SLC24A3: variants seen among roughly 807,000 people sequenced by gnomAD.
SLC24A3 encodes the protein solute carrier family 24 member 3, also known as sodium/potassium/calcium exchanger 3.
Under a neutral mutation model 75.8 loss-of-function variants are expected in SLC24A3, and 28 were observed. The observed-to-expected ratio is 0.37, with a 90% confidence interval of 0.27 to 0.51. SLC24A3 has a LOEUF of 0.51. Among genes scored for constraint, SLC24A3 ranks in the 20% least tolerant of loss-of-function variants. SLC24A3 has a pLI of 0.94. For synonymous variants in SLC24A3, 372 were observed against 334.1 expected, an observed-to-expected ratio of 1.11 and a Z score of -1.24; for missense variants, 663 against 847.8, an observed-to-expected ratio of 0.78 and a Z score of 2.71.
chr20:19,702,443 T>C (rs1417215017), intron 15 of SLC24A3, among the ~76,000 whole-genome samples: 2 of 152,160 alleles, frequency 1.3e-5, no homozygotes, highest in East Asian at 3.9e-4. Context: ...AAATTGAAGA[T>C]CTACTTTATC....
At chr20:19,437,511 G>T (rs1045618211) in intron 2 of SLC24A3, among the ~76,000 whole-genome samples, 2 of 152,188 alleles carry the variant, frequency 1.3e-5, no homozygotes, top group African/African-American at 4.8e-5. Flanking sequence ...ATGTGAAAAT[G>T]GACTAATACA....
chr20:19,496,705 G>GAA (rs1286113831), intron 2 of SLC24A3, among the ~76,000 whole-genome samples: 2 of 152,128 alleles, frequency 1.3e-5, no homozygotes, highest in Non-Finnish European at 2.9e-5. Flanking sequence ...GGTCAAGAAG[G>GAA]GCACGGTGTC....
chr20:19,502,843 T>G, intron 2 of SLC24A3, among the ~76,000 whole-genome samples: 1 of 127,506 alleles, frequency 7.8e-6, no homozygotes, highest in African/African-American at 3.0e-5. Context: ...CCAGCTTAGG[T>G]GACATAGCAA....
chr20:19,613,839 A>T (rs184111260), intron 6 of SLC24A3, among the ~76,000 whole-genome samples: 66 of 152,244 alleles, frequency 4.3e-4, no homozygotes, highest in African/African-American at 1.5e-3. Flanking sequence ...GTTGATGCTC[A>T]CCCTTGACTC....
At chr20:19,244,559 G>A (rs560939931) in intron 1 of SLC24A3, among the ~76,000 whole-genome samples, 1 of 152,204 alleles carries the variant, frequency 6.6e-6, no homozygotes, top group South Asian at 2.1e-4. Context: ...AGCATGAAAG[G>A]CCTGTTGCTA....
intron 2 of SLC24A3, among the ~76,000 whole-genome samples, chr20:19,306,697 C>A (rs889254293): frequency 7.9e-5 from 12 of 151,800 alleles, no homozygotes; most frequent in Non-Finnish European, 1.8e-4. Flanking sequence ...CTGCAGACTA[C>A]TAGAGGGGGA....
chr20:19,717,126 T>C (rs2033053641), intron 15 of SLC24A3, among the ~76,000 whole-genome samples: 1 of 152,210 alleles, frequency 6.6e-6, no homozygotes, highest in African/African-American at 2.4e-5. Context: ...GCCCATGTCA[T>C]GAAATTCATC....
At chr20:19,555,788 A>G (rs939890653) in intron 3 of SLC24A3, among the ~76,000 whole-genome samples, 3 of 152,234 alleles carry the variant, frequency 2.0e-5, no homozygotes, top group African/African-American at 7.2e-5. Context: ...TCTCCTCCCT[A>G]TGACAAATAC....
At chr20:19,221,685 C>T (rs1981716493) in intron 1 of SLC24A3, among the ~76,000 whole-genome samples, 2 of 152,174 alleles carry the variant, frequency 1.3e-5, no homozygotes, top group African/African-American at 4.8e-5. Context: ...ATTGTTGCCT[C>T]TGAGAAATCT....
intron 6 of SLC24A3, among the ~76,000 whole-genome samples, chr20:19,598,517 A>G (rs1465223617): frequency 6.6e-6 from 1 of 152,066 alleles, no homozygotes; most frequent in Non-Finnish European, 1.5e-5. Flanking sequence ...CCTTCCCTAT[A>G]GTGCATATAC....
In SLC24A3 at chr20:19,585,673, A is replaced by T. The variant is rs931087387; in HGVS notation, c.612+129A>T. 1.7e-5 allele frequency: 14 copies of T among 829,598 alleles called. No homozygotes were observed. The African/African-American group carries it at 2.4e-4, about 14-fold the overall frequency. The allele number at this position is 829,598 out of a possible 1,614,324, so 51.4% of individuals were successfully genotyped here. A position where few individuals can be genotyped will look rare whatever the true frequency, so the allele number is the denominator to read the frequency against. ...GGGCCCAGTGGTTTGGGCAGCAGTG[A>T]TTTGGGACCTCACATCCCAGGAGGC... On this transcript the variant is annotated intron_variant, in intron 6 of 16. Transcript: ENST00000328041.
chr20:19,385,057 T>A (rs1986249639), intron 2 of SLC24A3, among the ~76,000 whole-genome samples: 1 of 152,234 alleles, frequency 6.6e-6, no homozygotes, highest in South Asian at 2.1e-4. Context: ...ATCAGATGTA[T>A]GGCTTGCAAA....
chr20:19,666,771 G>T (rs2032404339), intron 8 of SLC24A3, among the ~76,000 whole-genome samples: 1 of 152,158 alleles, frequency 6.6e-6, no homozygotes, highest in African/African-American at 2.4e-5. Context: ...ATCACCTGAG[G>T]TCAGGAGTTC....
intron 4 of SLC24A3, 114 bp from the exon 5 acceptor site, chr20:19,584,857 C>A: frequency 1.1e-6 from 1 of 881,826 alleles, no homozygotes; most frequent in Non-Finnish European, 1.8e-6. Context: ...CGGTCCTACT[C>A]TCGCTGAAGC....
At chr20:19,464,045 C>G (rs1195314028) in intron 2 of SLC24A3, among the ~76,000 whole-genome samples, 1 of 152,200 alleles carries the variant, frequency 6.6e-6, no homozygotes, top group African/African-American at 2.4e-5. Flanking sequence ...GCCACCTAGG[C>G]CATTGGAAGT....
intron 1 of SLC24A3, among the ~76,000 whole-genome samples, chr20:19,228,340 A>G (rs1027649099): frequency 6.6e-5 from 10 of 151,978 alleles, no homozygotes; most frequent in African/African-American, 2.2e-4. Context: ...GTGGTTTTCT[A>G]TATTAGAAAA....
At chr20:19,436,921 C>T (rs1050628240) in intron 2 of SLC24A3, among the ~76,000 whole-genome samples, 1 of 152,136 alleles carries the variant, frequency 6.6e-6, no homozygotes, top group Non-Finnish European at 1.5e-5. Flanking sequence ...AGGATAGCAG[C>T]CCCCATTGAT....
At chr20:19,477,857 G>A (rs1014720814) in intron 2 of SLC24A3, among the ~76,000 whole-genome samples, 34 of 152,140 alleles carry the variant, frequency 2.2e-4, no homozygotes, top group African/African-American at 8.0e-4. Context: ...ATCCAAAAAG[G>A]AACAAAATGG....
At chr20:19,300,836 G>T (rs993221497) in intron 2 of SLC24A3, among the ~76,000 whole-genome samples, 1 of 152,114 alleles carries the variant, frequency 6.6e-6, no homozygotes, top group Non-Finnish European at 1.5e-5. Context: ...GCCCTCAACA[G>T]GTTGGAGATT....
Sources: allele counts gnomAD v4.1 joint callset (sites outside exome capture counted in the v4.1 genomes callset), GRCh38; gene constraint gnomAD v4.1.1; transcripts MANE v1.5; gene names NCBI Gene and HGNC (gene_info 2026-07-23, HGNC 2026-07-21).